Variants in CLDN11 observed in about 807,000 individuals in gnomAD.
The protein encoded by CLDN11 is claudin 11.
Under a neutral mutation model 18.0 loss-of-function variants are expected in CLDN11, and 1 was observed. That is an observed-to-expected ratio of 0.06 (90% CI 0.02 to 0.26). CLDN11 has a LOEUF of 0.26. Among genes scored for constraint, CLDN11 ranks in the 10% least tolerant of loss-of-function variants. The pLI, the probability that CLDN11 is intolerant of heterozygous loss-of-function variation, is 1.00. For synonymous variants in CLDN11, 116 were observed against 121.5 expected (o/e 0.96, Z 0.30); for missense variants, 172 against 276.6 (o/e 0.62, Z 2.68).
intron 2 of CLDN11, among the ~76,000 whole-genome samples, chr3:170,424,136 C>T (rs909165945): frequency 1.1e-4 from 16 of 152,078 alleles, no homozygotes; most frequent in Admixed American, 5.9e-4. Flanking sequence ...GTGATGGCTC[C>T]GTCCTTTAAC....
At chr3:170,422,270 A>G (rs1028010435) in intron 1 of CLDN11, among the ~76,000 whole-genome samples, 6 of 151,968 alleles carry the variant, frequency 3.9e-5, no homozygotes, top group Non-Finnish European at 5.9e-5. Flanking sequence ...ACTGAGACAG[A>G]CAAAGAACAC....
intron 1 of CLDN11, among the ~76,000 whole-genome samples, chr3:170,422,450 C>T (rs1738747626): frequency 6.6e-6 from 1 of 152,138 alleles, no homozygotes; most frequent in Admixed American, 6.5e-5. Flanking sequence ...GAGAAAGAGT[C>T]TCGCTCTGTC....
At position 170,434,441 on chromosome 3, in the gene CLDN11, C is replaced by T. The variant is rs1013261789; in HGVS notation, c.*1685C>T. Among the ~76,000 whole-genome samples, 2 of 152,280 alleles carry T rather than the reference C, an allele frequency of 1.3e-5. No individual in the cohort carries two copies. The highest frequency in any genetic ancestry group is 2.4e-5 in the African/African-American group (1 of 41,558). On this transcript the variant is annotated 3_prime_UTR_variant, in exon 3 of 3. Coordinates refer to ENST00000064724, the MANE Select transcript of CLDN11 (RefSeq NM_005602.6). Reference sequence around the variant, plus strand: ...AACACTTAGTAAAGGAATTGATTGGCTAGGTATAAAAAGAGAATTAACGAA... The same window carrying T: ...AACACTTAGTAAAGGAATTGATTGGTTAGGTATAAAAAGAGAATTAACGAA...
At chr3:170,427,273 T>C (rs899862237) in intron 2 of CLDN11, among the ~76,000 whole-genome samples, 33 of 152,212 alleles carry the variant, frequency 2.2e-4, no homozygotes, top group Non-Finnish European at 5.9e-5. Context: ...GAAGTCAGAA[T>C]AATTTAAATG....
At chr3:170,429,864 G>A (rs1404243370) in intron 2 of CLDN11, among the ~76,000 whole-genome samples, 2 of 152,232 alleles carry the variant, frequency 1.3e-5, no homozygotes, top group Non-Finnish European at 2.9e-5. Flanking sequence ...TGCTGTATGT[G>A]TAAATACAAA....
At chr3:170,428,473 G>A (rs1021903723) in intron 2 of CLDN11, among the ~76,000 whole-genome samples, 3 of 152,136 alleles carry the variant, frequency 2.0e-5, no homozygotes, top group African/African-American at 4.8e-5. Flanking sequence ...GTATTGTGTT[G>A]CATTATTTGA....
chr3:170,424,758 A>C (rs1738805431), intron 2 of CLDN11, among the ~76,000 whole-genome samples: 1 of 152,176 alleles, frequency 6.6e-6, no homozygotes, highest in African/African-American at 2.4e-5. Flanking sequence ...ATAAGGGGTC[A>C]GGGTTCTGTG....
chr3:170,425,381 A>G (rs142282939), intron 2 of CLDN11, among the ~76,000 whole-genome samples: 1,910 of 152,318 alleles, frequency 0.013, 41 homozygotes, highest in Admixed American at 0.055. Flanking sequence ...GTGAGAGAAC[A>G]CACTAAAACA....
intron 2 of CLDN11, among the ~76,000 whole-genome samples, chr3:170,426,135 G>T (rs1222009445): frequency 6.6e-6 from 1 of 152,176 alleles, no homozygotes; most frequent in Non-Finnish European, 1.5e-5. Flanking sequence ...CTGGGTTTCG[G>T]GGGCCTGGGA....
intron 2 of CLDN11, 132 bp downstream of exon 2, chr3:170,423,459 C>T (rs1397760122): frequency 3.4e-6 from 3 of 888,580 alleles, no homozygotes; most frequent in African/African-American, 1.7e-5. Context: ...GGATGGACTC[C>T]CACAATCTGT....
chr3:170,424,862 A>G (rs1200720054), intron 2 of CLDN11, among the ~76,000 whole-genome samples: 2 of 151,890 alleles, frequency 1.3e-5, no homozygotes, highest in Non-Finnish European at 2.9e-5. Flanking sequence ...GTGGGGCACC[A>G]TTTTCCAGGA....
At chr3:170,425,053 G>A (rs868332960) in intron 2 of CLDN11, among the ~76,000 whole-genome samples, 1 of 152,126 alleles carries the variant, frequency 6.6e-6, no homozygotes, top group Non-Finnish European at 1.5e-5. Context: ...AGCGTCACAC[G>A]GAACACATAT....
At chr3:170,430,438 A>G (rs1049268586) in intron 2 of CLDN11, among the ~76,000 whole-genome samples, 3 of 152,138 alleles carry the variant, frequency 2.0e-5, no homozygotes, top group African/African-American at 7.2e-5. Flanking sequence ...ACATCTTCTC[A>G]TGGTATCTCA....
Position 170,432,990 on chromosome 3 carries a change from G to T in CLDN11, c.*234G>T, listed in dbSNP as rs60306951. The T allele has an allele frequency of 6.8e-3, 3,365 of 495,420 alleles. 64 individuals carry two copies. The highest frequency in any genetic ancestry group is 0.056 in the African/African-American group (2,836 of 50,930). The allele number at this position is 495,420 out of a possible 1,614,324, so 30.7% of individuals were successfully genotyped here. ...TGCCCAGACATTTTTTTCCCTTGGT[G>T]TTGCCCCTATTAGCTCTTTTCTTGG... On this transcript the variant is annotated 3_prime_UTR_variant, in exon 3 of 3. Transcript: ENST00000064724.
At chr3:170,424,684 C>T (rs1738804535) in intron 2 of CLDN11, among the ~76,000 whole-genome samples, 1 of 152,190 alleles carries the variant, frequency 6.6e-6, no homozygotes, top group East Asian at 1.9e-4. Context: ...AAATCACCTT[C>T]TTCTGAAACA....
intron 1 of CLDN11, 22 bp from the exon 2 acceptor site, chr3:170,423,141 C>G: frequency 6.2e-7 from 1 of 1,614,064 alleles, no homozygotes. Context: ...CTAACCTTTC[C>G]CATCTGCTCT....
rs1266205476 is a variant in CLDN11, at chr3:170,419,291, G to C, written c.225G>C (p.Pro75=). Residue 75 remains proline, a splice_region_variant and synonymous_variant, in exon 1 of 3, where the codon CCG becomes CCC. Coordinates refer to ENST00000064724, the MANE Select transcript of CLDN11 (RefSeq NM_005602.6). The surrounding 1 kb of genome is among the most constrained non-coding windows in gnomAD (Gnocchi z 8.6). ...CKPLVDILIL[P]GYVQACRALM... ...CCCTGGTGGACATCCTCATCCTGCC[G>C]GGTAAGGACCCGAGCTTGGCGGCGG... The C allele has an allele frequency of 1.0e-5, 16 of 1,553,076 alleles. No homozygotes were observed. Among genetic ancestry groups the C allele is most frequent in the Non-Finnish European group, 1.4e-5 (16 of 1,146,204 alleles).
At chr3:170,427,894 ACG>A (rs1399391156) in intron 2 of CLDN11, among the ~76,000 whole-genome samples, 1 of 151,770 alleles carries the variant, frequency 6.6e-6, no homozygotes, top group African/African-American at 2.4e-5. Flanking sequence ...ATGGTGGTTC[ACG>A]CCTGTAATCT....
chr3:170,421,391 G>C, intron 1 of CLDN11: 1 of 574,884 alleles, frequency 1.7e-6, no homozygotes, highest in Non-Finnish European at 2.2e-6. Flanking sequence ...TCAGGGGATG[G>C]GCCTCAGACT....
Sources: allele counts gnomAD v4.1 joint callset (sites outside exome capture counted in the v4.1 genomes callset), GRCh38; gene constraint gnomAD v4.1.1; non-coding constraint Gnocchi (gnomAD v3.1); transcripts MANE v1.5; gene names NCBI Gene and HGNC (gene_info 2026-07-23, HGNC 2026-07-21).